The following LUZP2 variants were observed in gnomAD, a reference collection of about 807,000 sequenced individuals.
LUZP2 encodes the protein leucine zipper protein 2.
LUZP2 carries 52 observed loss-of-function variants against 51.6 expected under a neutral mutation model. That is an observed-to-expected ratio of 1.01 (90% CI 0.81 to 1.27). The LOEUF (loss-of-function observed/expected upper bound fraction) is 1.27. Among genes scored for constraint, LUZP2 ranks in the 50% most tolerant of loss-of-function variants. The probability of loss-of-function intolerance (pLI) is 0.00; values close to 1 mark genes in which losing one functional copy is unlikely to be tolerated. For missense variants in LUZP2, 436 were observed against 395.4 expected (o/e 1.10, Z -0.87); for synonymous variants, 154 against 137.3 (o/e 1.12, Z -0.85).
intron 5 of LUZP2, among the ~76,000 whole-genome samples, chr11:24,859,844 C>T (rs577116829): frequency 2.0e-5 from 3 of 152,318 alleles, no homozygotes; most frequent in South Asian, 2.1e-4. Context: ...ACCCATGGAT[C>T]GGAAGATCCC....
intron 1 of LUZP2, among the ~76,000 whole-genome samples, chr11:24,643,411 A>C (rs2133949088): frequency 6.6e-6 from 1 of 152,250 alleles, no homozygotes; most frequent in African/African-American, 2.4e-5. Context: ...GAGAAAGCAA[A>C]ATAAGAATTA....
intron 1 of LUZP2, among the ~76,000 whole-genome samples, chr11:24,522,918 A>T (rs1850688367): frequency 6.6e-6 from 1 of 152,070 alleles, no homozygotes. Flanking sequence ...ATACTGTTCT[A>T]ACACAAACTA....
intron 7 of LUZP2, among the ~76,000 whole-genome samples, chr11:24,920,693 T>TAA (rs557045612): frequency 7.2e-4 from 102 of 140,804 alleles, no homozygotes; most frequent in African/African-American, 2.6e-3. Context: ...GACACAGAAA[T>TAA]AAAAAAAAAA....
intron 5 of LUZP2, among the ~76,000 whole-genome samples, chr11:24,888,872 C>A (rs1852756991): frequency 6.6e-6 from 1 of 152,134 alleles, no homozygotes; most frequent in South Asian, 2.1e-4. Flanking sequence ...CGGCACCGCT[C>A]CTTCCTGCCT....
chr11:24,589,167 A>G (rs1421124681), intron 1 of LUZP2, among the ~76,000 whole-genome samples: 3 of 152,026 alleles, frequency 2.0e-5, no homozygotes, highest in Admixed American at 6.6e-5. Context: ...TAGCTTTCTA[A>G]TCATTCCTAG....
intron 1 of LUZP2, among the ~76,000 whole-genome samples, chr11:24,551,775 G>C (rs1590171197): frequency 6.6e-6 from 1 of 151,886 alleles, no homozygotes; most frequent in Non-Finnish European, 1.5e-5. Context: ...AACAAAATAG[G>C]CTATTTTTTA....
intron 10 of LUZP2, among the ~76,000 whole-genome samples, chr11:25,058,176 A>G (rs916804278): frequency 6.6e-6 from 1 of 152,074 alleles, no homozygotes; most frequent in Non-Finnish European, 1.5e-5. Context: ...TTTCAAGAAG[A>G]AGCAGGAATC....
intron 7 of LUZP2, among the ~76,000 whole-genome samples, chr11:24,940,408 C>A (rs375058882): frequency 2.6e-5 from 4 of 152,036 alleles, no homozygotes; most frequent in Non-Finnish European, 5.9e-5. Context: ...TTCTCTTTAT[C>A]CTCAACCCAT....
In LUZP2 at chr11:25,078,674, G is replaced by A; in HGVS notation, c.*16G>A. 6.4e-7 allele frequency: 1 copy of A among 1,554,228 alleles called. No homozygotes were observed. The highest frequency in any genetic ancestry group is 8.8e-7 in the Non-Finnish European group (1 of 1,136,388). On this transcript the variant is annotated 3_prime_UTR_variant, in exon 12 of 12. Coordinates refer to ENST00000336930, the MANE Select transcript of LUZP2 (RefSeq NM_001009909.4). ...AATACTGTAAATACTAAGAAACTGT[G>A]TTAAAAACGTCCATTTGCTATTGTC... is the stretch of plus-strand genomic sequence containing the variant.
At chr11:25,037,757 T>G (rs114730561) in intron 9 of LUZP2, among the ~76,000 whole-genome samples, 1 of 152,280 alleles carries the variant, frequency 6.6e-6, no homozygotes, top group African/African-American at 2.4e-5. Flanking sequence ...TTGGATTTTT[T>G]TTTTCTTCAT....
chr11:24,554,578 T>C (rs1851811532), intron 1 of LUZP2, among the ~76,000 whole-genome samples: 1 of 152,184 alleles, frequency 6.6e-6, no homozygotes, highest in South Asian at 2.1e-4. Flanking sequence ...ACTGAGAAAA[T>C]TCTCAGCATT....
intron 5 of LUZP2, among the ~76,000 whole-genome samples, chr11:24,827,863 T>C (rs1268585360): frequency 1.3e-5 from 2 of 152,054 alleles, no homozygotes; most frequent in Non-Finnish European, 2.9e-5. Context: ...GGATAACCCA[T>C]GATCATAAGG....
chr11:24,521,558 T>G (rs1470914155), intron 1 of LUZP2, among the ~76,000 whole-genome samples: 1 of 152,124 alleles, frequency 6.6e-6, no homozygotes, highest in African/African-American at 2.4e-5. Flanking sequence ...AGACTTACAG[T>G]ATACCTACTT....
intron 5 of LUZP2, among the ~76,000 whole-genome samples, chr11:24,843,150 A>T (rs1317020605): frequency 6.6e-6 from 1 of 152,030 alleles, no homozygotes; most frequent in Non-Finnish European, 1.5e-5. Flanking sequence ...ACAAACATAT[A>T]TATTCATATA....
At chr11:24,906,265 G>A (rs1329593577) in intron 6 of LUZP2, among the ~76,000 whole-genome samples, 1 of 150,856 alleles carries the variant, frequency 6.6e-6, no homozygotes, top group Non-Finnish European at 1.5e-5. Flanking sequence ...AACAAAGGCA[G>A]GTAATGATCA....
At chr11:24,563,788 C>T (rs1430895314) in intron 1 of LUZP2, among the ~76,000 whole-genome samples, 13 of 151,910 alleles carry the variant, frequency 8.6e-5, no homozygotes, top group East Asian at 1.9e-4. Flanking sequence ...TAAGACAAAC[C>T]GCTCCTGCTA....
chr11:24,737,501 T>A (rs969616441), intron 3 of LUZP2, among the ~76,000 whole-genome samples: 1 of 150,244 alleles, frequency 6.7e-6, no homozygotes, highest in Non-Finnish European at 1.5e-5. Flanking sequence ...ATAGCTCGAG[T>A]AAAAAAAAAT....
chr11:24,994,377 A>G (rs544357181), intron 9 of LUZP2, among the ~76,000 whole-genome samples: 1 of 152,270 alleles, frequency 6.6e-6, no homozygotes, highest in South Asian at 2.1e-4. Flanking sequence ...TTTAAACACC[A>G]TTTGTTGAAA....
chr11:25,003,894 G>A (rs746876171), intron 9 of LUZP2, among the ~76,000 whole-genome samples: 1 of 152,146 alleles, frequency 6.6e-6, no homozygotes, highest in Non-Finnish European at 1.5e-5. Context: ...AACAAGAAAG[G>A]CATGTGAAAA....
Sources: allele counts gnomAD v4.1 joint callset (sites outside exome capture counted in the v4.1 genomes callset), GRCh38; gene constraint gnomAD v4.1.1; transcripts MANE v1.5; gene names NCBI Gene and HGNC (gene_info 2026-07-23, HGNC 2026-07-21).